CAP1: variants seen among roughly 807,000 people sequenced by gnomAD.
CAP1 encodes the protein cyclase associated actin cytoskeleton regulatory protein 1.
In CAP1, 11 loss-of-function variants were observed where a neutral mutation model predicts 58.2. The observed-to-expected ratio is 0.19, with a 90% CI of 0.12 to 0.31. The LOEUF is 0.31. Ranked by LOEUF, CAP1 falls within the 10% of genes least tolerant of loss-of-function variation. The pLI is 1.00. For synonymous variants in CAP1, 183 were observed against 213.8 expected, an observed-to-expected ratio of 0.86 and a Z score of 1.26; for missense variants, 423 against 587.5, an observed-to-expected ratio of 0.72 and a Z score of 2.89.
Position 40,070,187 on chromosome 1 carries a change from T to G in CAP1, c.1022T>G (p.Val341Gly). ...AATCAGGAAAATGTTTCCAACCTGG[T>G]GATTGAGGACACAGAGCTGAAACAG... Reference protein sequence around the residue: ...VENQENVSNLVIEDTELKQVA... With the variant: ...VENQENVSNLGIEDTELKQVA... Residue 341 changes from valine (V) to glycine (G), a missense_variant, in exon 10 of 13, where the codon GTG becomes GGG. By Grantham distance (109) the Val-to-Gly change is moderately radical. Transcript: ENST00000372805. 1 of 1,614,178 alleles carries G rather than the reference T, an allele frequency of 6.2e-7. No homozygotes were observed. The highest frequency in any genetic ancestry group is 8.5e-7 in the Non-Finnish European group (1 of 1,180,016).
chr1:40,041,831 G>C (rs893368571), intron 1 of CAP1, among the ~76,000 whole-genome samples: 1 of 152,136 alleles, frequency 6.6e-6, no homozygotes. Context: ...TGTAACAGGG[G>C]GTTCAGGAAA....
chr1:40,067,614 AT>A lies in CAP1; in HGVS notation c.706del (p.Cys236AlafsTer36), dbSNP rs1391383412. On this transcript the variant is annotated frameshift_variant, in exon 8 of 13. Transcript: ENST00000372805. LOFTEE classifies it high-confidence loss of function. ...AGSCPPPPPP[C>X]PPPPPVSTIS... ...GATCATGTCCTCCTCCCCCTCCACC[AT>A]GCCCCCCTCCTCCCCCAGTCTCTAC... is the stretch of plus-strand genomic sequence containing the variant. The A allele has an allele frequency of 6.4e-7, 1 of 1,571,874 alleles. No individual in the cohort carries two copies. The highest frequency in any genetic ancestry group is 1.4e-5 in the African/African-American group (1 of 72,874).
intron 1 of CAP1, among the ~76,000 whole-genome samples, chr1:40,049,178 A>ATTTTTTTTTTTTTTTTTTTTTTTTTTTTT (rs72214452): frequency 1.2e-5 from 1 of 84,880 alleles, no homozygotes; most frequent in Non-Finnish European, 2.1e-5. Flanking sequence ...GCCATTTCTA[A>ATTTTTTTTTTTTTTTTTTTTTTTTTTTTT]TTTTTTTTTT....
At chr1:40,041,473 C>A (rs11806616) in intron 1 of CAP1, 21,162 of 152,166 alleles carry the variant, frequency 0.14, 1,749 homozygotes, top group East Asian at 0.23. Context: ...CTTACTTTGA[C>A]AAGCCAGGCT....
chr1:40,062,773 TTGTGTGTGTG>T (rs1169359200), intron 4 of CAP1, among the ~76,000 whole-genome samples: 6 of 145,522 alleles, frequency 4.1e-5, no homozygotes, highest in Non-Finnish European at 7.5e-5. Context: ...TCAAAAAACA[TTGTGTGTGTG>T]TGTGTGTGTG....
At chr1:40,051,136 G>A (rs1646348046) in intron 1 of CAP1, among the ~76,000 whole-genome samples, 1 of 152,158 alleles carries the variant, frequency 6.6e-6, no homozygotes, top group Non-Finnish European at 1.5e-5. Context: ...AACTCTCAGA[G>A]CATGTAGTAA....
At chr1:40,064,126 C>T in intron 4 of CAP1, 101 bp from the exon 5 acceptor site, 1 of 1,092,794 alleles carries the variant, frequency 9.2e-7, no homozygotes. Context: ...TATTTGGGTG[C>T]TCACTAGAGT....
intron 4 of CAP1, among the ~76,000 whole-genome samples, chr1:40,062,277 G>C (rs1209558499): frequency 6.6e-6 from 1 of 152,270 alleles, no homozygotes; most frequent in East Asian, 1.9e-4. Flanking sequence ...GATGTGAAAA[G>C]TTGAATTAGA....
intron 2 of CAP1, among the ~76,000 whole-genome samples, 155 bp downstream of exon 2, chr1:40,059,613 G>A (rs1238454910): frequency 1.3e-5 from 2 of 152,184 alleles, no homozygotes; most frequent in African/African-American, 4.8e-5. Context: ...GAGAGGAAAT[G>A]ACTTGTACAG....
At chr1:40,063,708 C>T (rs918308286) in intron 4 of CAP1, among the ~76,000 whole-genome samples, 1 of 152,124 alleles carries the variant, frequency 6.6e-6, no homozygotes, top group East Asian at 1.9e-4. Context: ...TAAAAGAGCT[C>T]GTCTTTGAAG....
chr1:40,049,960 A>G (rs1178998773), intron 1 of CAP1, among the ~76,000 whole-genome samples: 1 of 152,198 alleles, frequency 6.6e-6, no homozygotes, highest in African/African-American at 2.4e-5. Flanking sequence ...CCTAGGGCAG[A>G]ACCAAGATTC....
intron 3 of CAP1, among the ~76,000 whole-genome samples, chr1:40,060,893 T>C (rs1646821059): frequency 6.6e-6 from 1 of 152,172 alleles, no homozygotes; most frequent in Non-Finnish European, 1.5e-5. Flanking sequence ...GACTGGGACT[T>C]TAATAAGGGT....
chr1:40,069,441 TAAGG>T, intron 8 of CAP1: 1 of 363,238 alleles, frequency 2.8e-6, no homozygotes, highest in East Asian at 4.8e-5. Flanking sequence ...ACATAGAGGA[TAAGG>T]ATTTACATAT....
At chr1:40,059,971 T>C (rs1646778605) in intron 2 of CAP1, 96 bp from the exon 3 acceptor site, 1 of 913,592 alleles carries the variant, frequency 1.1e-6, no homozygotes, top group Non-Finnish European at 1.8e-6. Flanking sequence ...TCCTGTTGAC[T>C]GTATTACCTT....
At chr1:40,056,428 T>G (rs1046499870) in intron 1 of CAP1, among the ~76,000 whole-genome samples, 2 of 152,072 alleles carry the variant, frequency 1.3e-5, no homozygotes, top group Admixed American at 1.3e-4. Context: ...CCTGGGTAGC[T>G]GGGACTACAG....
intron 6 of CAP1, 91 bp from the exon 7 acceptor site, chr1:40,066,124 A>G: frequency 1.4e-6 from 1 of 734,904 alleles, no homozygotes; most frequent in Non-Finnish European, 2.5e-6. Context: ...CACGGGTAGG[A>G]GAATGTGAGC....
rs1646273226 is a variant in CAP1, at chr1:40,049,797, T to C, written c.-11+8996T>C. Among the ~76,000 whole-genome samples, 3 of 152,216 alleles carry C rather than the reference T, an allele frequency of 2.0e-5. No individual in the cohort carries two copies. The South Asian group carries it at 6.2e-4, about 32-fold the overall frequency. ...TAACTAGAACATGCCACAACCCATT[T>C]CTGCCTATAATGTCATTATTCTCTT... On this transcript the variant is annotated intron_variant, in intron 1 of 12. Coordinates refer to ENST00000372805, the MANE Select transcript of CAP1 (RefSeq NM_006367.4).
At chr1:40,067,798 T>C in intron 8 of CAP1, 81 bp downstream of exon 8, 3 of 1,028,920 alleles carry the variant, frequency 2.9e-6, no homozygotes, top group Admixed American at 2.5e-5. Flanking sequence ...GTCTGTAAAC[T>C]ACAACCCTGG....
chr1:40,057,729 G>C (rs1362576194), intron 1 of CAP1, among the ~76,000 whole-genome samples: 1 of 152,150 alleles, frequency 6.6e-6, no homozygotes, highest in Non-Finnish European at 1.5e-5. Context: ...AATTGCTGTT[G>C]TCATTTTAGG....
Sources: allele counts gnomAD v4.1 joint callset (sites outside exome capture counted in the v4.1 genomes callset), GRCh38; gene constraint gnomAD v4.1.1; transcripts MANE v1.5; gene names NCBI Gene and HGNC (gene_info 2026-07-23, HGNC 2026-07-21).